PTPRM: variants seen among roughly 807,000 people sequenced by gnomAD.
The protein encoded by PTPRM is receptor-type tyrosine-protein phosphatase mu.
PTPRM carries 47 observed loss-of-function variants against 186.7 expected under a neutral mutation model. That is an observed-to-expected ratio of 0.25 (90% CI 0.20 to 0.32). The LOEUF is 0.32. Ranked by LOEUF, PTPRM falls within the 10% of genes least tolerant of loss-of-function variation. PTPRM has a pLI of 1.00. For synonymous variants in PTPRM, 668 were observed against 674.9 expected, an observed-to-expected ratio of 0.99 and a Z score of 0.16; for missense variants, 1,494 against 1,865.0, an observed-to-expected ratio of 0.80 and a Z score of 3.66.
At chr18:7,705,313 A>ATCTGTCTGTCTGTCTGTCTGTCTG (rs1568041010) in intron 1 of PTPRM, among the ~76,000 whole-genome samples, 2 of 150,836 alleles carry the variant, frequency 1.3e-5, no homozygotes, top group African/African-American at 4.9e-5. Context: ...CTATCTATCT[A>ATCTGTCTGTCTGTCTGTCTGTCTG]TCTATCTATC....
chr18:8,148,636 G>A (rs894228649), intron 14 of PTPRM, among the ~76,000 whole-genome samples: 5 of 151,838 alleles, frequency 3.3e-5, no homozygotes, highest in African/African-American at 7.3e-5. Context: ...AGGGTTTTTC[G>A]TGTCTGTATG....
At chr18:7,672,891 C>T (rs556907311) in intron 1 of PTPRM, among the ~76,000 whole-genome samples, 9 of 152,318 alleles carry the variant, frequency 5.9e-5, no homozygotes, top group Non-Finnish European at 1.3e-4. Flanking sequence ...AATCTGCACG[C>T]ACACCTGCGT....
chr18:8,102,253 G>A (rs190789779), intron 11 of PTPRM, among the ~76,000 whole-genome samples: 27 of 152,276 alleles, frequency 1.8e-4, no homozygotes, highest in Admixed American at 1.8e-3. Flanking sequence ...GAAGGTTTGG[G>A]TGACTGTGGC....
chr18:7,597,371 T>C (rs1158457621), intron 1 of PTPRM, among the ~76,000 whole-genome samples: 1 of 152,208 alleles, frequency 6.6e-6, no homozygotes, highest in Non-Finnish European at 1.5e-5. Flanking sequence ...CAGACTTGGA[T>C]GCTAATCGTT....
chr18:7,977,108 A>T (rs1050903844), intron 7 of PTPRM, among the ~76,000 whole-genome samples: 2 of 152,044 alleles, frequency 1.3e-5, no homozygotes, highest in Admixed American at 1.3e-4. Context: ...TTTTGTTTTG[A>T]GACAGAGTTT....
At chr18:8,057,310 A>T (rs928617326) in intron 7 of PTPRM, among the ~76,000 whole-genome samples, 2 of 152,006 alleles carry the variant, frequency 1.3e-5, no homozygotes, top group African/African-American at 4.8e-5. Flanking sequence ...TGTACTTTTC[A>T]ATGTGTTTTA....
chr18:8,183,951 G>A (rs978175637), intron 14 of PTPRM, among the ~76,000 whole-genome samples: 2 of 152,168 alleles, frequency 1.3e-5, no homozygotes, highest in Non-Finnish European at 2.9e-5. Context: ...CTCTGGGTCT[G>A]TGAAGGATGA....
chr18:8,048,453 T>C (rs1568248146), intron 7 of PTPRM, among the ~76,000 whole-genome samples: 1 of 152,212 alleles, frequency 6.6e-6, no homozygotes, highest in East Asian at 1.9e-4. Flanking sequence ...AACACACTCT[T>C]CTATTGAAAC....
rs145226629 is a variant in PTPRM at position 8,069,759 on chromosome 18, A to G, written c.1206A>G (p.Pro402=). 18,508 of 1,613,912 alleles carry G rather than the reference A, an allele frequency of 0.011. 195 individuals are homozygous for G. The highest frequency in any genetic ancestry group is 0.032 in the South Asian group (2,929 of 91,072). Residue 402 remains proline (P), a synonymous_variant, in exon 8 of 33, where the codon CCA becomes CCG. Coordinates refer to ENST00000580170, the MANE Select transcript of PTPRM (RefSeq NM_001105244.2). ...KSRQITIRWE[P]FGYNVTRCHS... ...GGCAAATCACTATCCGCTGGGAGCCATTTGGATATAATGTAACTCGTTGCC... is the reference window on the plus strand; with the variant it reads ...GGCAAATCACTATCCGCTGGGAGCCGTTTGGATATAATGTAACTCGTTGCC...
At chr18:7,770,026 A>G (rs2042202874) in intron 1 of PTPRM, among the ~76,000 whole-genome samples, 1 of 152,172 alleles carries the variant, frequency 6.6e-6, no homozygotes, top group Non-Finnish European at 1.5e-5. Context: ...TGAAACATGA[A>G]TAATTTACTT....
At chr18:8,054,307 AT>A in intron 7 of PTPRM, among the ~76,000 whole-genome samples, 1 of 140,658 alleles carries the variant, frequency 7.1e-6, no homozygotes, top group Non-Finnish European at 1.5e-5. Flanking sequence ...TAATATATAT[AT>A]ATATATATAT....
intron 2 of PTPRM, among the ~76,000 whole-genome samples, chr18:7,785,723 T>G (rs2043069618): frequency 1.3e-5 from 2 of 152,238 alleles, no homozygotes; most frequent in South Asian, 4.1e-4. Context: ...ACGTCTGCAC[T>G]TTCTGAGCAT....
At chr18:8,240,612 AGG>A (rs1568583276) in intron 14 of PTPRM, among the ~76,000 whole-genome samples, 54 of 51,822 alleles carry the variant, frequency 1.0e-3, no homozygotes, top group Middle Eastern at 0.016. Context: ...AGAGAGAGAG[AGG>A]GAGGGAGAGA....
chr18:8,244,172 T>G lies in PTPRM; in HGVS notation c.2415T>G (p.Ala805=). Residue 805 remains alanine, a synonymous_variant, in exon 15 of 33, where the codon GCT becomes GCG. Transcript: ENST00000580170. ...YAEQGTNCDE[A]FSFMDTHNLN... ...AGCAGGGCACAAACTGCGACGAGGCTTTCTCATTCATGGACACGCACAATC... is the reference window on the plus strand; with the variant it reads ...AGCAGGGCACAAACTGCGACGAGGCGTTCTCATTCATGGACACGCACAATC... The G allele has an allele frequency of 8.8e-6, 14 of 1,595,168 alleles. No homozygotes were observed. Among genetic ancestry groups the G allele is most frequent in the Non-Finnish European group, 1.2e-5 (14 of 1,173,352 alleles).
intron 5 of PTPRM, among the ~76,000 whole-genome samples, chr18:7,931,874 T>C (rs2051506935): frequency 6.6e-6 from 1 of 152,204 alleles, no homozygotes; most frequent in Non-Finnish European, 1.5e-5. Flanking sequence ...TATAATACTT[T>C]CCAGTAAATG....
intron 13 of PTPRM, among the ~76,000 whole-genome samples, chr18:8,132,550 T>G (rs2092537040): frequency 6.6e-6 from 1 of 151,730 alleles, no homozygotes; most frequent in Admixed American, 6.6e-5. Context: ...CATTTCTCTG[T>G]TTTTTACTTT....
chr18:8,294,731 G>A (rs1041377155), intron 19 of PTPRM, among the ~76,000 whole-genome samples: 7 of 152,190 alleles, frequency 4.6e-5, no homozygotes, highest in Non-Finnish European at 1.0e-4. Context: ...TGATAATGAA[G>A]TGTTACCTAT....
At chr18:7,731,129 G>T (rs1177455296) in intron 1 of PTPRM, among the ~76,000 whole-genome samples, 1 of 152,168 alleles carries the variant, frequency 6.6e-6, no homozygotes, top group African/African-American at 2.4e-5. Context: ...TACAGGGTTT[G>T]CACACTGAAA....
intron 1 of PTPRM, among the ~76,000 whole-genome samples, chr18:7,720,710 T>C (rs2040430502): frequency 6.6e-6 from 1 of 152,192 alleles, no homozygotes; most frequent in Non-Finnish European, 1.5e-5. Flanking sequence ...AGGTATCCCA[T>C]ATAAGGAGAA....
Sources: allele counts gnomAD v4.1 joint callset (sites outside exome capture counted in the v4.1 genomes callset), GRCh38; gene constraint gnomAD v4.1.1; transcripts MANE v1.5; gene names NCBI Gene and HGNC (gene_info 2026-07-23, HGNC 2026-07-21).